MTMR9: variants seen among roughly 807,000 people sequenced by gnomAD.
MTMR9 encodes the protein myotubularin related protein 9.
In MTMR9, 39 loss-of-function variants were observed where a neutral mutation model predicts 69.5. The ratio of observed to expected loss-of-function variants is 0.56; its 90% CI spans 0.43 to 0.73. MTMR9 has a LOEUF of 0.73. MTMR9 is among the 30% of genes least tolerant of loss of function. MTMR9 has a pLI of 0.00. For missense variants in MTMR9, 900 were observed against 671.2 expected (o/e 1.34, Z -3.77); for synonymous variants, 354 against 240.8 (o/e 1.47, Z -4.35).
chr8:11,330,004 C>A (rs567794275), downstream of MTMR9, among the ~76,000 whole-genome samples: 12 of 151,576 alleles, frequency 7.9e-5, no homozygotes, highest in East Asian at 2.0e-3. Context: ...CGCCTGGCAG[C>A]TGCCCCGTCT....
Position 11,293,403 on chromosome 8 carries a change from G to C in MTMR9, c.183-1791G>C, listed in dbSNP as rs143961374. On this transcript the variant is annotated intron_variant, in intron 1 of 9. Coordinates refer to ENST00000221086, the MANE Select transcript of MTMR9 (RefSeq NM_015458.4). ...TATAAAGTAAAAAAGTTACAGTAAG[G>C]TAAGGTTAATTTATTGTTGAAGAAA... 1.4e-3 allele frequency among the ~76,000 whole-genome samples: 217 copies of C among 152,286 alleles called. 1 individual carries two copies. The highest frequency in any genetic ancestry group is 5.1e-3 in the African/African-American group (211 of 41,560).
chr8:11,325,657 CTTTTT>C lies in MTMR9; in HGVS notation c.*2878_*2882del, dbSNP rs36105803. ...AAGGATCCTCAGATTTAAATAAGTA[CTTTTT>C]TTTTTTTTAATCAGAAGAACATTGT... On this transcript the variant is annotated 3_prime_UTR_variant, in exon 10 of 10. Coordinates refer to ENST00000221086, the MANE Select transcript of MTMR9 (RefSeq NM_015458.4). The C allele has an allele frequency of 8.7e-4, 128 of 146,692 alleles. 1 individual carries two copies. The highest frequency in any genetic ancestry group is 3.1e-3 in the African/African-American group (122 of 39,700). The allele number at this position is 146,692 out of a possible 1,614,324, so 9.1% of individuals were successfully genotyped here. A position where few individuals can be genotyped will look rare whatever the true frequency, so the allele number is the denominator to read the frequency against.
chr8:11,285,030 C>T lies in MTMR9; in HGVS notation c.142C>T (p.Leu48=). ...LSSRQDNTEE[L]WLLHSNIDAI... is the part of the protein sequence containing the mutation. ...CTCCCGGCAGGACAATACGGAGGAGCTGTGGCTCCTCCATTCAAACATCGA... is the reference window on the plus strand; with the variant it reads ...CTCCCGGCAGGACAATACGGAGGAGTTGTGGCTCCTCCATTCAAACATCGA... The change falls in exon 1 of 10, where the codon CTG becomes TTG. Residue 48 remains leucine (L), a synonymous_variant. Transcript: ENST00000221086. The T allele has an allele frequency of 1.2e-6, 2 of 1,612,232 alleles. No individual in the cohort carries two copies. The highest frequency in any genetic ancestry group is 1.7e-6 in the Non-Finnish European group (2 of 1,179,162).
chr8:11,307,375 C>T (rs1585122903), intron 5 of MTMR9, among the ~76,000 whole-genome samples: 5 of 152,178 alleles, frequency 3.3e-5, no homozygotes, highest in African/African-American at 1.2e-4. Flanking sequence ...CCTGGCCTAC[C>T]CTCTTTTTTA....
chr8:11,306,886 C>T (rs74301702), intron 5 of MTMR9, among the ~76,000 whole-genome samples: 2,109 of 152,232 alleles, frequency 0.014, 74 homozygotes, highest in East Asian at 0.13. Context: ...CTGCTACTTT[C>T]TCTTCCTCTG....
chr8:11,285,110 G>C lies in MTMR9; in HGVS notation c.182+40G>C, dbSNP rs376629937. ...CACCCCAGCTCCGCAGGGAGCCGGGGGTCCCTTGTGGGCGCCCCGGGAAAT... is the reference window on the plus strand; with the variant it reads ...CACCCCAGCTCCGCAGGGAGCCGGGCGTCCCTTGTGGGCGCCCCGGGAAAT... On this transcript the variant is annotated intron_variant, in intron 1 of 9. Transcript: ENST00000221086. 102 of 1,491,810 alleles carry C rather than the reference G, an allele frequency of 6.8e-5. 2 individuals carry two copies. In the East Asian group the frequency reaches 2.3e-3, roughly 34 times the overall value. The allele number at this position is 1,491,810 out of a possible 1,614,324, so 92.4% of individuals were successfully genotyped here. A position where few individuals can be genotyped will look rare whatever the true frequency, so the allele number is the denominator to read the frequency against.
chr8:11,311,383 C>G (rs1186714624), intron 6 of MTMR9, among the ~76,000 whole-genome samples: 1 of 152,188 alleles, frequency 6.6e-6, no homozygotes, highest in East Asian at 1.9e-4. Flanking sequence ...TAGGATATTA[C>G]ACACAGGCAC....
intron 6 of MTMR9, among the ~76,000 whole-genome samples, chr8:11,311,972 A>T (rs1421934065): frequency 6.6e-6 from 1 of 151,368 alleles, no homozygotes; most frequent in Non-Finnish European, 1.5e-5. Flanking sequence ...TTGCTCATCC[A>T]TAAGAAGCAA....
the MTMR9 span, among the ~76,000 whole-genome samples, chr8:11,335,771 C>G: frequency 6.6e-6 from 1 of 152,216 alleles, no homozygotes; most frequent in Non-Finnish European, 1.5e-5. Flanking sequence ...TTCATCTATA[C>G]ATGGCATACT....
intron 1 of MTMR9, 28 bp from the exon 2 acceptor site, chr8:11,295,166 C>A: frequency 8.2e-7 from 1 of 1,220,706 alleles, no homozygotes; most frequent in Non-Finnish European, 1.2e-6. Context: ...TATATGTGTT[C>A]CTAAACATGA....
At chr8:11,312,202 G>A (rs1241606447) in intron 6 of MTMR9, among the ~76,000 whole-genome samples, 2 of 151,858 alleles carry the variant, frequency 1.3e-5, no homozygotes, top group Admixed American at 6.6e-5. Context: ...ACACCACCAC[G>A]GTCACCTAAT....
At chr8:11,321,480 G>A (rs573329791) in intron 9 of MTMR9, 1 of 456,556 alleles carries the variant, frequency 2.2e-6, no homozygotes, top group African/African-American at 2.0e-5. Context: ...TGATTTAATT[G>A]CTTTGTACCA....
At position 11,322,762 on chromosome 8, in the gene MTMR9, G is replaced by T. The variant is rs764644468; in HGVS notation, c.1624G>T (p.Glu542Ter). ...AAGGCAGTTGGCAGAACTGGAAACA[G>T]AGGACGGGATGCAGGAGAGTCCCTG... ...LRRQLAELET[E>*]DGMQESP is the part of the protein sequence containing the mutation. The change falls in exon 10 of 10, where the codon GAG (glutamate) becomes TAG (stop). Residue 542 changes from glutamate (E) to a stop codon, truncating the protein, a stop_gained. Coordinates refer to ENST00000221086, the MANE Select transcript of MTMR9 (RefSeq NM_015458.4). LOFTEE classifies it high-confidence loss of function. The T allele has an allele frequency of 6.2e-7, 1 of 1,614,050 alleles. No homozygotes were observed. The highest frequency in any genetic ancestry group is 8.5e-7 in the Non-Finnish European group (1 of 1,179,968).
chr8:11,329,078 T>A (rs1801077335), downstream of MTMR9, among the ~76,000 whole-genome samples: 1 of 152,214 alleles, frequency 6.6e-6, no homozygotes. Flanking sequence ...TGTTGAAGAT[T>A]ATTTGACCAT....
intron 6 of MTMR9, among the ~76,000 whole-genome samples, chr8:11,310,553 G>C (rs1473340724): frequency 6.6e-6 from 1 of 152,184 alleles, no homozygotes; most frequent in Non-Finnish European, 1.5e-5. Context: ...TCAAGGTAGA[G>C]TCCCTTGGGG....
At chr8:11,286,937 C>T (rs1474736209) in intron 1 of MTMR9, among the ~76,000 whole-genome samples, 1 of 152,144 alleles carries the variant, frequency 6.6e-6, no homozygotes, top group African/African-American at 2.4e-5. Flanking sequence ...CCTTGCCTCT[C>T]CCAAGTTTGT....
In MTMR9 at chr8:11,314,939, T is replaced by G; in HGVS notation, c.988T>G (p.Leu330Val). The change falls in exon 7 of 10, where the codon TTG (leucine) becomes GTG (valine). Residue 330 changes from leucine (L) to valine (V), a missense_variant. By Grantham distance (32) the Leu-to-Val change is conservative (BLOSUM62 1). Coordinates refer to ENST00000221086, the MANE Select transcript of MTMR9 (RefSeq NM_015458.4). ...TCCTATCAGGGAAGGAGCATCAATA[T>G]TGATTCACGGAACAGAAGGAACTGA... ...QCIDREGASILIHGTEGTDST... is the reference protein window; with the variant it reads ...QCIDREGASIVIHGTEGTDST... 1 of 1,613,860 alleles carries G rather than the reference T, an allele frequency of 6.2e-7. No homozygotes were observed. The highest frequency in any genetic ancestry group is 1.1e-5 in the South Asian group (1 of 91,048).
At chr8:11,291,158 T>A (rs900871121) in intron 1 of MTMR9, among the ~76,000 whole-genome samples, 3 of 152,106 alleles carry the variant, frequency 2.0e-5, no homozygotes, top group Non-Finnish European at 2.9e-5. Context: ...CATAGGATTT[T>A]AAAAAAATGA....
At chr8:11,311,881 CT>C (rs35158873) in intron 6 of MTMR9, among the ~76,000 whole-genome samples, 29,114 of 144,784 alleles carry the variant, frequency 0.2, 3,572 homozygotes, top group African/African-American at 0.38. Flanking sequence ...TATTCTAAAT[CT>C]TTTTTTTTTT....
Sources: allele counts gnomAD v4.1 joint callset (sites outside exome capture counted in the v4.1 genomes callset), GRCh38; gene constraint gnomAD v4.1.1; transcripts MANE v1.5; gene names NCBI Gene and HGNC (gene_info 2026-07-23, HGNC 2026-07-21).